Variants in MAP4K2 observed in about 807,000 individuals in gnomAD.
MAP4K2 encodes the protein mitogen-activated protein kinase kinase kinase kinase 2.
A neutral mutation model predicts 125.3 loss-of-function variants in MAP4K2; 85 were observed. That is an observed-to-expected ratio of 0.68 (90% CI 0.57 to 0.81). The LOEUF is 0.81. MAP4K2 is among the 40% of genes least tolerant of loss of function. MAP4K2 has a pLI of 0.00. For missense variants in MAP4K2, 923 were observed against 1,056.4 expected (o/e 0.87, Z 1.75); for synonymous variants, 479 against 445.1 (o/e 1.08, Z -0.96).
Position 64,785,938 on chromosome 11 carries a change from C to T in MAP4K2, c.*3599G>A, listed in dbSNP as rs1940190272. On this transcript the variant is annotated 3_prime_UTR_variant, in exon 32 of 32. Coordinates refer to ENST00000294066, the MANE Select transcript of MAP4K2 (RefSeq NM_004579.5). ...GATACATACAAAAGGATGTGTGGCA[C>T]CTTATGTGAGTTAGGAACTGAGTTA... 1 of 152,088 alleles carries T rather than the reference C, an allele frequency of 6.6e-6. No individual in the cohort carries two copies. Among genetic ancestry groups the T allele is most frequent in the East Asian group, 1.9e-4 (1 of 5,194 alleles). The allele number at this position is 152,088 out of a possible 1,614,324, so 9.4% of individuals were successfully genotyped here. A position where few individuals can be genotyped will look rare whatever the true frequency, so the allele number is the denominator to read the frequency against.
chr11:64,799,303 G>C, intron 14 of MAP4K2, 118 bp downstream of exon 14: 1 of 1,275,572 alleles, frequency 7.8e-7, no homozygotes, highest in Non-Finnish European at 1.1e-6. Flanking sequence ...ACAGTCTAAG[G>C]CCCAAGGCCC....
At chr11:64,802,982 C>CG in intron 1 of MAP4K2, 40 bp from the exon 2 acceptor site, 2 of 1,543,686 alleles carry the variant, frequency 1.3e-6, no homozygotes, top group Non-Finnish European at 1.8e-6. Context: ...GGGGCGGGGC[C>CG]GGGGGCTAGA....
In MAP4K2 at chr11:64,789,423, C is replaced by G. The variant is rs536377951; in HGVS notation, c.*114G>C. The G allele has an allele frequency of 1.1e-6, 1 of 924,122 alleles. No homozygotes were observed. Among genetic ancestry groups the G allele is most frequent in the Non-Finnish European group, 1.7e-6 (1 of 597,966 alleles). 57.2% of individuals were successfully genotyped at this position (924,122 alleles called of 1,614,324 possible). A position where few individuals can be genotyped will look rare whatever the true frequency, so the allele number is the denominator to read the frequency against. ...CTCAGGATTACTTCTGACCTTCAGC[C>G]CCAGCAGGGCCAGGGCCTGGGCTCC... On this transcript the variant is annotated 3_prime_UTR_variant, in exon 32 of 32. Coordinates refer to ENST00000294066, the MANE Select transcript of MAP4K2 (RefSeq NM_004579.5).
At position 64,801,710 on chromosome 11, in the gene MAP4K2, C is replaced by T. The variant is rs951240505; in HGVS notation, c.414G>A (p.Lys138=). The change falls in exon 6 of 32, where the codon AAG becomes AAA. Residue 138 remains lysine (K), a splice_region_variant and synonymous_variant. Coordinates refer to ENST00000294066, the MANE Select transcript of MAP4K2 (RefSeq NM_004579.5). The part of the protein sequence containing the change: ...HSQGKIHRDI[K]GANLLLTLQG... ...GGAGTGCCCCCAGCTAGGTGCCTAC[C>T]TTGATGTCTCTGTGGATCTTCCCCT... The T allele has an allele frequency of 1.9e-6, 3 of 1,613,916 alleles. No individual in the cohort carries two copies. The highest frequency in any genetic ancestry group is 1.7e-5 in the Admixed American group (1 of 60,012).
chr11:64,801,497 A>G, intron 7 of MAP4K2, 82 bp downstream of exon 7: 1 of 1,504,328 alleles, frequency 6.6e-7, no homozygotes, highest in Admixed American at 1.8e-5. Context: ...TGACTTGCCC[A>G]GTGACACCCA....
chr11:64,798,196 C>A (rs539560013), intron 15 of MAP4K2, among the ~76,000 whole-genome samples: 2 of 151,712 alleles, frequency 1.3e-5, no homozygotes, highest in African/African-American at 4.8e-5. Flanking sequence ...GATGGAGTCT[C>A]GCTCTGTTGC....
intron 28 of MAP4K2, 32 bp downstream of exon 28, chr11:64,790,362 C>T: frequency 6.2e-7 from 1 of 1,613,882 alleles, no homozygotes; most frequent in Non-Finnish European, 8.5e-7. Flanking sequence ...TCCATAGTCC[C>T]CTGCCCTAAG....
intron 27 of MAP4K2, among the ~76,000 whole-genome samples, chr11:64,791,608 C>T (rs143388505): frequency 1.3e-5 from 2 of 152,338 alleles, no homozygotes; most frequent in East Asian, 3.9e-4. Flanking sequence ...TGAGCTCAAG[C>T]CCCTCTCTCT....
At chr11:64,797,709 T>TTTC in intron 15 of MAP4K2, 45 bp from the exon 16 acceptor site, 2 of 1,431,922 alleles carry the variant, frequency 1.4e-6, no homozygotes, top group East Asian at 5.3e-5. Flanking sequence ...TTTCCTTTTT[T>TTTC]TTTTTTTTTT....
In MAP4K2 at chr11:64,792,215, A is replaced by C. The variant is rs1275056237; in HGVS notation, c.1871T>G (p.Leu624Arg). The C allele has an allele frequency of 6.2e-7, 1 of 1,612,432 alleles. No homozygotes were observed. Among genetic ancestry groups the C allele is most frequent in the Non-Finnish European group, 8.5e-7 (1 of 1,179,794 alleles). The stretch of plus-strand genomic sequence containing the variant: ...CTGCAGCGGCTCATACCACTGCAGC[A>C]GGAGCAGGCTGGTGGGCAGGGCGGC... The part of the protein sequence containing the change: ...LLAALPTSLL[L>R]LQWYEPLQKF... Residue 624 changes from leucine (L) to arginine (R), a missense_variant, in exon 26 of 32, where the codon CTG (leucine) becomes CGG (arginine). Physicochemically the swap from Leu to Arg is moderately radical, Grantham distance 102. This residue lies in a region of MAP4K2 where 833 missense variants were observed against 911.4 expected (regional missense o/e 0.91). Transcript: ENST00000294066.
chr11:64,801,510 C>A, intron 7 of MAP4K2, 69 bp downstream of exon 7: 1 of 1,574,550 alleles, frequency 6.4e-7, no homozygotes, highest in East Asian at 2.2e-5. Context: ...GACACCCAAC[C>A]CTTGAGTCCA....
rs1378605136 is a variant in MAP4K2 at position 64,802,943 on chromosome 11, C to T, written c.97-1G>A. ...GTTCGGACGTGACCGTGTCGCGGGCCTGCAGGGGCGGAGGGTGAAGCGGGA... is the reference window on the plus strand; with the variant it reads ...GTTCGGACGTGACCGTGTCGCGGGCTTGCAGGGGCGGAGGGTGAAGCGGGA... On this transcript the variant is annotated splice_acceptor_variant, in intron 1 of 31. Coordinates refer to ENST00000294066, the MANE Select transcript of MAP4K2 (RefSeq NM_004579.5). LOFTEE classifies it high-confidence loss of function. 2 of 1,578,152 alleles carry T rather than the reference C, an allele frequency of 1.3e-6. No individual in the cohort carries two copies. Among genetic ancestry groups the T allele is most frequent in the South Asian group, 1.1e-5 (1 of 87,304 alleles).
intron 28 of MAP4K2, 35 bp from the exon 29 acceptor site, chr11:64,790,309 G>A (rs1940401700): frequency 1.9e-6 from 3 of 1,613,562 alleles, no homozygotes; most frequent in Non-Finnish European, 2.5e-6. Flanking sequence ...TGGGGACGGG[G>A]AGGCTCCCTT....
intron 27 of MAP4K2, 37 bp downstream of exon 27, chr11:64,791,872 A>G (rs368441906): frequency 6.6e-7 from 1 of 1,504,456 alleles, no homozygotes; most frequent in Non-Finnish European, 8.9e-7. Flanking sequence ...TCTCATGCAC[A>G]CACACCCACC....
rs1285237013 is a variant in MAP4K2 at position 64,787,292 on chromosome 11, G to A, written c.*2245C>T. On this transcript the variant is annotated 3_prime_UTR_variant, in exon 32 of 32. Transcript: ENST00000294066. ...GATTCGCCCGCCTCGGCCTCCCAAA[G>A]TGCTTGGATTACAGGTGTGAGCCAC... 6.6e-6 allele frequency: 1 copy of A among 152,084 alleles called. No individual in the cohort carries two copies. Among genetic ancestry groups the A allele is most frequent in the Non-Finnish European group, 1.5e-5 (1 of 68,036 alleles). 9.4% of individuals were successfully genotyped at this position (152,084 alleles called of 1,614,324 possible).
chr11:64,792,489 T>C, intron 24 of MAP4K2, 67 bp from the exon 25 acceptor site: 1 of 1,352,380 alleles, frequency 7.4e-7, no homozygotes, highest in Non-Finnish European at 1.0e-6. Context: ...TGCAGAGCCC[T>C]ATGAGGTGGG....
chr11:64,794,810 C>G (rs1940695088), intron 24 of MAP4K2, among the ~76,000 whole-genome samples: 1 of 152,178 alleles, frequency 6.6e-6, no homozygotes, highest in African/African-American at 2.4e-5. Context: ...CAAGCTTGCC[C>G]GGTCTCTGAG....
Position 64,801,025 on chromosome 11 carries a change from A to G in MAP4K2, c.537T>C (p.Ala179=), listed in dbSNP as rs1288403977. Residue 179 remains alanine (A), a synonymous_variant, in exon 9 of 32, where the codon GCT becomes GCC. Transcript: ENST00000294066. Reference sequence around the variant, plus strand: ...TGCGCTCCACAGCAGCCACCTCGGGAGCCATCCTAGAGGTGGGGTCACAGA... The same window carrying G: ...TGCGCTCCACAGCAGCCACCTCGGGGGCCATCCTAGAGGTGGGGTCACAGA... The part of the protein sequence containing the change: ...RSFIGTPYWM[A]PEVAAVERKG... The G allele has an allele frequency of 9.3e-6, 15 of 1,613,716 alleles. No homozygotes were observed. Among genetic ancestry groups the G allele is most frequent in the Non-Finnish European group, 1.3e-5 (15 of 1,179,984 alleles).
intron 24 of MAP4K2, 100 bp downstream of exon 24, chr11:64,796,173 C>G (rs1940783164): frequency 9.2e-7 from 1 of 1,085,688 alleles, no homozygotes; most frequent in Admixed American, 2.8e-5. Flanking sequence ...AGAGAGACAA[C>G]ACGTCTAAGA....
Sources: gnomAD v4.1 joint callset for allele counts (sites outside exome capture counted in the v4.1 genomes callset) on GRCh38, gnomAD v4.1.1 for gene constraint, gnomAD v4.1.1 regional missense constraint, MANE v1.5 for transcripts, NCBI Gene and HGNC (gene_info 2026-07-23, HGNC 2026-07-21) for gene names.